The following RPL7A variants were observed in gnomAD, a reference collection of about 807,000 sequenced individuals.
RPL7A encodes large ribosomal subunit protein eL8.
For missense variants in RPL7A, 291 were observed against 338.2 expected (o/e 0.86, Z 1.09); for synonymous variants, 158 against 128.2 (o/e 1.23, Z -1.57).
rs2129992471 is a variant in RPL7A at position 133,350,258 on chromosome 9, C to T, written c.434C>T (p.Thr145Ile). ...VLRAGVNTVTTLVENKKAQLV... is the reference protein window; with the variant it reads ...VLRAGVNTVTILVENKKAQLV... The stretch of plus-strand genomic sequence containing the variant: ...GTTCTAGGAGTTAACACCGTCACCA[C>T]CTTGGTGGAGAACAAGAAAGCTCAG... The change falls in exon 5 of 8, where the codon ACC (threonine) becomes ATC (isoleucine). Residue 145 changes from threonine (T) to isoleucine (I), a missense_variant. By Grantham distance (89) the Thr-to-Ile change is moderately conservative. Coordinates refer to ENST00000323345, the MANE Select transcript of RPL7A (RefSeq NM_000972.3). 6.2e-7 allele frequency: 1 copy of T among 1,613,954 alleles called. No homozygotes were observed. Among genetic ancestry groups the T allele is most frequent in the South Asian group, 1.1e-5 (1 of 91,056 alleles).
chr9:133,348,317 G>A, intron 1 of RPL7A, 71 bp downstream of exon 1: 5 of 1,607,224 alleles, frequency 3.1e-6, no homozygotes, highest in Non-Finnish European at 4.3e-6. Flanking sequence ...TCCTCCAGGC[G>A]CGGCCTCGGA....
rs2129983125 is a variant in RPL7A, at chr9:133,349,060, G to A, written c.124+18G>A. ...TGGCATTGGTAAGTAACAAACGGCA[G>A]AATGAAAACGGTCTATGTTTTTCTC... On this transcript the variant is annotated intron_variant, in intron 2 of 7. Coordinates refer to ENST00000323345, the MANE Select transcript of RPL7A (RefSeq NM_000972.3). 1 of 1,612,522 alleles carries A rather than the reference G, an allele frequency of 6.2e-7. No homozygotes were observed. Among genetic ancestry groups the A allele is most frequent in the Non-Finnish European group, 8.5e-7 (1 of 1,179,280 alleles).
At chr9:133,348,399 G>GC in intron 1 of RPL7A, 153 bp downstream of exon 1, 1 of 1,089,586 alleles carries the variant, frequency 9.2e-7, no homozygotes, top group South Asian at 1.3e-5. Flanking sequence ...GTGGATTAGA[G>GC]CCCCACTTGG....
chr9:133,348,854 A>G (rs2129981562), intron 1 of RPL7A, 68 bp from the exon 2 acceptor site: 1 of 1,612,540 alleles, frequency 6.2e-7, no homozygotes, highest in East Asian at 2.2e-5. Context: ...TGGAGGAGCC[A>G]GCCTGAGCCC....
rs1450946045 is a variant in RPL7A at position 133,349,004 on chromosome 9, A to G, written c.86A>G (p.Asn29Ser). The change falls in exon 2 of 8, where the codon AAT becomes AGT. Residue 29 changes from asparagine (N) to serine (S), a missense_variant. Coordinates refer to ENST00000323345, the MANE Select transcript of RPL7A (RefSeq NM_000972.3). ...AAGCAGGAGGCTAAGAAAGTGGTGA[A>G]TCCCCTGTTTGAGAAAAGGCCTAAG... The part of the protein sequence containing the change: ...VKKQEAKKVV[N>S]PLFEKRPKNF... 1.2e-6 allele frequency: 2 copies of G among 1,613,932 alleles called. No individual in the cohort carries two copies. The highest frequency in any genetic ancestry group is 8.5e-7 in the Non-Finnish European group (1 of 1,180,012).
intron 1 of RPL7A, 156 bp downstream of exon 1, chr9:133,348,402 C>G: frequency 3.8e-6 from 4 of 1,059,982 alleles, no homozygotes; most frequent in Non-Finnish European, 5.7e-6. Context: ...GATTAGAGCC[C>G]CACTTGGTGT....
intron 2 of RPL7A, 27 bp downstream of exon 2, chr9:133,349,069 C>T (rs2129983204): frequency 6.8e-6 from 11 of 1,611,202 alleles, no homozygotes; most frequent in Middle Eastern, 1.6e-4. Context: ...AGAATGAAAA[C>T]GGTCTATGTT....
intron 2 of RPL7A, 29 bp downstream of exon 2, chr9:133,349,071 G>A: frequency 1.9e-6 from 3 of 1,610,478 alleles, no homozygotes; most frequent in Non-Finnish European, 2.5e-6. Context: ...AATGAAAACG[G>A]TCTATGTTTT....
In RPL7A at chr9:133,349,609, C is replaced by T; in HGVS notation, c.183C>T (p.Ile61=). The change falls in exon 3 of 8, where the codon ATC becomes ATT. Residue 61 remains isoleucine (I), a synonymous_variant. Coordinates refer to ENST00000323345, the MANE Select transcript of RPL7A (RefSeq NM_000972.3). ...LTRFVKWPRY[I]RLQRQRAILY... is the part of the protein sequence containing the mutation. The stretch of plus-strand genomic sequence containing the variant: ...GCTTTGTGAAATGGCCCCGCTATAT[C>T]AGGTTGCAGCGGCAGAGAGCCATCC... 6.2e-7 allele frequency: 1 copy of T among 1,614,112 alleles called. No individual in the cohort carries two copies. The highest frequency in any genetic ancestry group is 1.6e-4 in the Middle Eastern group (1 of 6,062).
intron 5 of RPL7A, 91 bp downstream of exon 5, chr9:133,350,410 A>G (rs1183002150): frequency 1.3e-6 from 2 of 1,521,130 alleles, no homozygotes; most frequent in African/African-American, 1.4e-5. Flanking sequence ...ATGGGACCGA[A>G]GTGGGTGAGG....
intron 1 of RPL7A, chr9:133,348,706 T>C (rs2129980183): frequency 6.6e-6 from 5 of 760,042 alleles, no homozygotes; most frequent in Non-Finnish European, 1.2e-5. Context: ...TTAGCCTTGC[T>C]CTGGCCACTC....
chr9:133,351,220 A>G lies in RPL7A; in HGVS notation c.697-42A>G, dbSNP rs144988406. The G allele has an allele frequency of 7.3e-4, 1,158 of 1,594,688 alleles. 2 individuals are homozygous for G. The highest frequency in any genetic ancestry group is 9.0e-4 in the Non-Finnish European group (1,048 of 1,163,148). On this transcript the variant is annotated intron_variant, in intron 7 of 7. Transcript: ENST00000323345. ...CAACTAATAACCTTGAAAATCTCAGAAAACAGTAAGCCAAGCTAACTGCCT... is the reference window on the plus strand; with the variant it reads ...CAACTAATAACCTTGAAAATCTCAGGAAACAGTAAGCCAAGCTAACTGCCT...
intron 1 of RPL7A, chr9:133,348,570 C>G: frequency 1.7e-6 from 1 of 596,564 alleles, no homozygotes; most frequent in Non-Finnish European, 3.0e-6. Context: ...GCTCCAGAGG[C>G]CTTGTGAGCG....
chr9:133,351,127 AC>A, intron 7 of RPL7A, 56 bp downstream of exon 7: 1 of 1,587,410 alleles, frequency 6.3e-7, no homozygotes, highest in Non-Finnish European at 8.6e-7. Context: ...CTCCCAAATA[AC>A]TGGCTGGCTT....
intron 7 of RPL7A, 32 bp from the exon 8 acceptor site, chr9:133,351,230 G>A (rs2129998778): frequency 1.2e-6 from 2 of 1,600,432 alleles, no homozygotes; most frequent in Middle Eastern, 3.3e-4. Context: ...AAAACAGTAA[G>A]CCAAGCTAAC....
intron 6 of RPL7A, 28 bp downstream of exon 6, chr9:133,350,755 C>T (rs2129995911): frequency 1.2e-6 from 2 of 1,608,570 alleles, no homozygotes; most frequent in East Asian, 4.5e-5. Flanking sequence ...CCCCAAACTT[C>T]CCCCCAGTTC....
intron 6 of RPL7A, 53 bp downstream of exon 6, chr9:133,350,780 T>G (rs1461708655): frequency 6.2e-7 from 1 of 1,606,212 alleles, no homozygotes; most frequent in Non-Finnish European, 8.5e-7. Flanking sequence ...AATCCATGCC[T>G]CACAGTTGTT....
At chr9:133,350,886 A>ATGTGG in intron 6 of RPL7A, 116 bp from the exon 7 acceptor site, 2 of 1,457,002 alleles carry the variant, frequency 1.4e-6, no homozygotes, top group Non-Finnish European at 1.9e-6. Context: ...TGAATAAACC[A>ATGTGG]TGTGGTCAGC....
intron 1 of RPL7A, 35 bp downstream of exon 1, chr9:133,348,281 G>T (rs1836265412): frequency 6.2e-7 from 1 of 1,613,958 alleles, no homozygotes; most frequent in African/African-American, 1.3e-5. Context: ...ACTATAGCCA[G>T]GTTCCGGCTG....
Sources: allele counts gnomAD v4.1 joint callset, GRCh38; gene constraint gnomAD v4.1.1; transcripts MANE v1.5; gene names NCBI Gene and HGNC (gene_info 2026-07-23, HGNC 2026-07-21).